SLC26A11: variants seen among roughly 807,000 people sequenced by gnomAD.
SLC26A11 encodes solute carrier family 26 member 11, also known as sodium-independent sulfate anion transporter.
In SLC26A11, 58 loss-of-function variants were observed where a neutral mutation model predicts 62.2. The observed-to-expected ratio is 0.93, with a 90% confidence interval of 0.76 to 1.16. The LOEUF (loss-of-function observed/expected upper bound fraction) is 1.16. SLC26A11 is among the 50% of genes most tolerant of loss of function. The pLI is 0.00. For missense variants in SLC26A11, 790 were observed against 794.3 expected, an observed-to-expected ratio of 0.99 and a Z score of 0.06; for synonymous variants, 411 against 368.9, an observed-to-expected ratio of 1.11 and a Z score of -1.31.
At position 80,222,844 on chromosome 17, in the gene SLC26A11, T is replaced by C. The variant is rs746559141; in HGVS notation, c.424T>C (p.Leu142=). 1 of 1,613,810 alleles carries C rather than the reference T, an allele frequency of 6.2e-7. No individual in the cohort carries two copies. Among genetic ancestry groups the C allele is most frequent in the South Asian group, 1.1e-5 (1 of 91,074 alleles). The part of the protein sequence containing the change: ...CIQLAMGVLR[L]GFLLDFISYP... ...CCAGCTGGCCATGGGGGTCCTGCGT[T>C]TGGGTGAGGCTCTACCTTCTTGCCA... The change falls in exon 4 of 18, where the codon TTG becomes CTG. Residue 142 remains leucine, a synonymous_variant. Coordinates refer to ENST00000361193, the MANE Select transcript of SLC26A11 (RefSeq NM_001166347.2). The surrounding 1 kb of genome is among the most constrained non-coding windows in gnomAD (Gnocchi z 4.7).
At position 80,221,635 on chromosome 17, in the gene SLC26A11, C is replaced by T. The variant is rs757264826; in HGVS notation, c.75C>T (p.Cys25=). ...GPGMAPSACC[C]SPAALQRRLP... ...GGATGGCCCCGAGCGCCTGCTGCTG[C>T]TCCCCTGCGGCCCTGCAGAGGAGGC... The change falls in exon 3 of 18, where the codon TGC becomes TGT. Residue 25 remains cysteine (C), a synonymous_variant. Coordinates refer to ENST00000361193, the MANE Select transcript of SLC26A11 (RefSeq NM_001166347.2). 14 of 1,611,454 alleles carry T rather than the reference C, an allele frequency of 8.7e-6. No individual in the cohort carries two copies. Among genetic ancestry groups the T allele is most frequent in the Admixed American group, 1.7e-5 (1 of 59,978 alleles).
intron 7 of SLC26A11, among the ~76,000 whole-genome samples, chr17:80,233,938 T>C (rs2042626487): frequency 6.6e-6 from 1 of 152,108 alleles, no homozygotes; most frequent in Non-Finnish European, 1.5e-5. Flanking sequence ...TTTTCAAAGA[T>C]AGTTTTGCTG....
Position 80,246,552 on chromosome 17 carries a change from C to G in SLC26A11, c.1197C>G (p.Phe399Leu), listed in dbSNP as rs1410847377. The G allele has an allele frequency of 6.2e-7, 1 of 1,613,642 alleles. No homozygotes were observed. The highest frequency in any genetic ancestry group is 8.5e-7 in the Non-Finnish European group (1 of 1,180,010). Residue 399 changes from phenylalanine to leucine, a missense_variant, in exon 13 of 18, where the codon TTC (phenylalanine) becomes TTG (leucine). Physicochemically the swap from Phe to Leu is conservative, Grantham distance 22. Coordinates refer to ENST00000361193, the MANE Select transcript of SLC26A11 (RefSeq NM_001166347.2). This position sits in a 1 kb window ranked among gnomAD's most constrained non-coding sequence, Gnocchi z 4.4. ...LLSLDYLTSL[F>L]YYIPKSALAA... is the part of the protein sequence containing the mutation. ...CTCTGGACTACCTGACCTCACTGTT[C>G]TACTACATCCCCAAGTCTGCCCTGG...
intron 5 of SLC26A11, 105 bp from the exon 6 acceptor site, chr17:80,225,732 C>CG (rs1313732434): frequency 7.0e-6 from 7 of 1,007,102 alleles, no homozygotes; most frequent in Non-Finnish European, 1.1e-5. Context: ...GGGAGCAGGG[C>CG]CGGGGGACAC....
chr17:80,230,183 G>C (rs1157923427), intron 7 of SLC26A11, among the ~76,000 whole-genome samples: 1 of 134,018 alleles, frequency 7.5e-6, no homozygotes, highest in East Asian at 2.3e-4. Context: ...AACAGAGCGA[G>C]ACTCCTTCTC....
intron 11 of SLC26A11, among the ~76,000 whole-genome samples, chr17:80,245,694 G>A (rs1379286457): frequency 1.3e-5 from 2 of 152,206 alleles, no homozygotes; most frequent in South Asian, 2.1e-4. Context: ...CTGAAAGGAC[G>A]TGGAGATAGG....
chr17:80,252,063 G>C lies in SLC26A11; in HGVS notation c.1730-562G>C, dbSNP rs962611608. Among the ~76,000 whole-genome samples, 8 of 152,274 alleles carry C rather than the reference G, an allele frequency of 5.3e-5. No individual in the cohort carries two copies. The highest frequency in any genetic ancestry group is 1.9e-4 in the African/African-American group (8 of 41,556). On this transcript the variant is annotated intron_variant, in intron 17 of 17. Coordinates refer to ENST00000361193, the MANE Select transcript of SLC26A11 (RefSeq NM_001166347.2). This position sits in a 1 kb window ranked among gnomAD's most constrained non-coding sequence, Gnocchi z 5.2. Reference sequence around the variant, plus strand: ...GACAGAAGGTACGGGAGGGACAGGAGCAGGGTGGGCGCTGACCCTTGAGAC... The same window carrying C: ...GACAGAAGGTACGGGAGGGACAGGACCAGGGTGGGCGCTGACCCTTGAGAC...
Position 80,222,233 on chromosome 17 carries a change from A to G in SLC26A11, c.235-422A>G, listed in dbSNP as rs973157396. The G allele has an allele frequency of 4.2e-5, 8 of 191,794 alleles. No individual in the cohort carries two copies. The highest frequency in any genetic ancestry group is 1.4e-4 in the African/African-American group (6 of 42,782). The allele number at this position is 191,794 out of a possible 1,614,324, so 11.9% of individuals were successfully genotyped here. A position where few individuals can be genotyped will look rare whatever the true frequency, so the allele number is the denominator to read the frequency against. Reference sequence around the variant, plus strand: ...CTACTAAAAATACAAAAAATTAGCCAGGTGTGGTGGCGGGTGCCTGTAGTC... The same window carrying G: ...CTACTAAAAATACAAAAAATTAGCCGGGTGTGGTGGCGGGTGCCTGTAGTC... On this transcript the variant is annotated intron_variant, in intron 3 of 17. Transcript: ENST00000361193. This position sits in a 1 kb window ranked among gnomAD's most constrained non-coding sequence, Gnocchi z 4.7.
At chr17:80,236,828 T>C in intron 7 of SLC26A11, 100 bp from the exon 8 acceptor site, 19 of 1,321,510 alleles carry the variant, frequency 1.4e-5, no homozygotes, top group Non-Finnish European at 2.0e-5. Context: ...TGGGGGCGTC[T>C]CCTGCCTCTG....
chr17:80,251,133 A>G (rs545024833), intron 16 of SLC26A11, among the ~76,000 whole-genome samples, 196 bp from the exon 17 acceptor site: 151 of 152,122 alleles, frequency 9.9e-4, no homozygotes, highest in Admixed American at 2.1e-3. Context: ...CCTGTCTCAA[A>G]AAACAAAAAA....
intron 7 of SLC26A11, among the ~76,000 whole-genome samples, chr17:80,230,187 C>G (rs1413896344): frequency 7.4e-6 from 1 of 134,602 alleles, no homozygotes; most frequent in Non-Finnish European, 1.6e-5. Context: ...GAGCGAGACT[C>G]CTTCTCAAAA....
In SLC26A11 at chr17:80,249,293, T is replaced by A; in HGVS notation, c.1656+6T>A. The A allele has an allele frequency of 6.2e-7, 1 of 1,609,512 alleles. No individual in the cohort carries two copies. The highest frequency in any genetic ancestry group is 8.5e-7 in the Non-Finnish European group (1 of 1,179,946). On this transcript the variant is annotated splice_donor_region_variant and intron_variant, in intron 16 of 17. Transcript: ENST00000361193. The stretch of plus-strand genomic sequence containing the variant: ...TGGCCTTTGTGGGCCTGCAGGTGGG[T>A]GTGCACTGGGCTGCCTTAGGGGTTA...
At position 80,251,361 on chromosome 17, in the gene SLC26A11, C is replaced by T. The variant is rs1224724848; in HGVS notation, c.1689C>T (p.Asp563=). 3 of 1,613,972 alleles carry T rather than the reference C, an allele frequency of 1.9e-6. No individual in the cohort carries two copies. In the African/African-American group the frequency reaches 4.0e-5, roughly 22 times the overall value. ...VPVLRVLLSA[D]LKGFQYFSTL... ...TTCTCCGTGTCCTGCTGTCCGCTGA[C>T]CTGAAGGGGTTCCAGTACTTCTCTA... The change falls in exon 17 of 18, where the codon GAC becomes GAT. Residue 563 remains aspartate, a synonymous_variant. Coordinates refer to ENST00000361193, the MANE Select transcript of SLC26A11 (RefSeq NM_001166347.2).
intron 16 of SLC26A11, among the ~76,000 whole-genome samples, chr17:80,250,505 A>C (rs1161285886): frequency 6.6e-6 from 1 of 152,156 alleles, no homozygotes; most frequent in Non-Finnish European, 1.5e-5. Context: ...TTTGCAGAGC[A>C]CATGTCTTCA....
intron 11 of SLC26A11, 29 bp downstream of exon 11, chr17:80,245,285 G>A (rs1279113267): frequency 6.2e-7 from 1 of 1,611,650 alleles, no homozygotes; most frequent in Non-Finnish European, 8.5e-7. Context: ...TCTTCTGTTT[G>A]CCCACGTTGG....
In SLC26A11 at chr17:80,246,318, T is replaced by C. The variant is rs1329143242; in HGVS notation, c.1153+109T>C. The C allele has an allele frequency of 3.4e-6, 5 of 1,454,136 alleles. No individual in the cohort carries two copies. The East Asian group carries it at 9.1e-5, about 27-fold the overall frequency. The allele number at this position is 1,454,136 out of a possible 1,614,324, so 90.1% of individuals were successfully genotyped here. On this transcript the variant is annotated intron_variant, in intron 12 of 17. Transcript: ENST00000361193. This position sits in a 1 kb window ranked among gnomAD's most constrained non-coding sequence, Gnocchi z 4.4. ...GCTCATGGGCCGTGCGCCCCGGGAC[T>C]GCACAGGGACTTGGGGGGCCACACA... is the stretch of plus-strand genomic sequence containing the variant.
At chr17:80,227,394 C>G (rs2042440325) in intron 6 of SLC26A11, among the ~76,000 whole-genome samples, 1 of 152,214 alleles carries the variant, frequency 6.6e-6, no homozygotes, top group Non-Finnish European at 1.5e-5. Flanking sequence ...GTTCCATAGA[C>G]TTGAGTCCCA....
Position 80,222,463 on chromosome 17 carries a change from G to A in SLC26A11, c.235-192G>A. On this transcript the variant is annotated intron_variant, in intron 3 of 17. Coordinates refer to ENST00000361193, the MANE Select transcript of SLC26A11 (RefSeq NM_001166347.2). The surrounding 1 kb of genome is among the most constrained non-coding windows in gnomAD (Gnocchi z 4.7). ...CTCTGCCTGGCTGTCTGCACCCTGAGGCCCCAGTTGAGTGCTGCTAAAAAA... is the reference window on the plus strand; with the variant it reads ...CTCTGCCTGGCTGTCTGCACCCTGAAGCCCCAGTTGAGTGCTGCTAAAAAA... The A allele has an allele frequency of 1.7e-6, 1 of 594,312 alleles. No homozygotes were observed. Among genetic ancestry groups the A allele is most frequent in the East Asian group, 2.8e-5 (1 of 35,880 alleles). 36.8% of individuals were successfully genotyped at this position (594,312 alleles called of 1,614,324 possible).
chr17:80,220,728 A>G lies in SLC26A11; in HGVS notation c.-213-188A>G, dbSNP rs562100744. Among the ~76,000 whole-genome samples the G allele has an allele frequency of 6.0e-5, 9 of 151,110 alleles. 1 individual carries two copies. Among genetic ancestry groups the G allele is most frequent in the African/African-American group, 2.0e-4 (8 of 40,996 alleles). On this transcript the variant is annotated intron_variant, in intron 1 of 17. Transcript: ENST00000361193. ...TCAGGTGGCGCAGGGTCTCCTCCGG[A>G]GACCCCAGGATCCGGAGCCAGCGGC...
Sources: allele counts gnomAD v4.1 joint callset (sites outside exome capture counted in the v4.1 genomes callset), GRCh38; gene constraint gnomAD v4.1.1; non-coding constraint Gnocchi (gnomAD v3.1); transcripts MANE v1.5; gene names NCBI Gene and HGNC (gene_info 2026-07-23, HGNC 2026-07-21).